C11orf65: variants seen among roughly 807,000 people sequenced by gnomAD.
C11orf65 encodes the protein chromosome 11 open reading frame 65, also known as protein MFI.
A neutral mutation model predicts 35.3 loss-of-function variants in C11orf65; 38 were observed. The ratio of observed to expected loss-of-function variants is 1.08; its 90% confidence interval spans 0.83 to 1.41. The LOEUF (loss-of-function observed/expected upper bound fraction) is 1.41, where lower values mean the gene tolerates loss of function less well. Ranked by LOEUF, C11orf65 falls within the 40% of genes most tolerant of loss-of-function variation. C11orf65 has a pLI of 0.00. For missense variants in C11orf65, 370 were observed against 367.1 expected (o/e 1.01, Z -0.06); for synonymous variants, 105 against 114.4 (o/e 0.92, Z 0.53).
chr11:108,370,452 A>T (rs910326381), intron 2 of C11orf65, among the ~76,000 whole-genome samples: 1 of 150,318 alleles, frequency 6.7e-6, no homozygotes, highest in Non-Finnish European at 1.5e-5. Flanking sequence ...TCATATTCCA[A>T]TCTATACTGT....
At position 108,345,819 on chromosome 11, in the gene C11orf65, G is replaced by A. The variant is rs529296539; in HGVS notation, c.227-10527C>T. On this transcript the variant is annotated intron_variant, in intron 2 of 3. Coordinates refer to the C11orf65 transcript ENST00000524755. ...TGCCAAAATTTTCAACCAGTTTTCC[G>A]TTACTTCTGCATGGAAAAATTCTTG... The A allele has an allele frequency of 8.6e-5, 139 of 1,613,710 alleles. 2 individuals carry two copies. The highest frequency in any genetic ancestry group is 7.0e-4 in the South Asian group (64 of 91,058).
rs371044809 is a variant in C11orf65, at chr11:108,320,075, A to C, written c.641-11004T>G. ...ATATGCCAGGTATTATGAAAAGACA[A>C]AGTTACTGTATTTTAACATTTAATG... On this transcript the variant is annotated intron_variant, in intron 6 of 6. Transcript: ENST00000525729. The C allele has an allele frequency of 2.0e-6, 3 of 1,518,922 alleles. No individual in the cohort carries two copies. The highest frequency in any genetic ancestry group is 3.4e-5 in the Admixed American group (2 of 59,626). The allele number at this position is 1,518,922 out of a possible 1,614,324, so 94.1% of individuals were successfully genotyped here. A position where few individuals can be genotyped will look rare whatever the true frequency, so the allele number is the denominator to read the frequency against.
At chr11:108,456,843 C>T (rs2093416226) in intron 2 of C11orf65, among the ~76,000 whole-genome samples, 1 of 151,832 alleles carries the variant, frequency 6.6e-6, no homozygotes, top group Admixed American at 6.6e-5. Flanking sequence ...ACAAATTGGA[C>T]TTTATTAAAA....
At chr11:108,347,212 A>T (rs2088527144) in intron 2 of C11orf65, 8 of 1,225,158 alleles carry the variant, frequency 6.5e-6, no homozygotes. Flanking sequence ...CTTAATTGAA[A>T]TTATGGCTAT....
chr11:108,377,328 A>G (rs532364812), intron 2 of C11orf65, among the ~76,000 whole-genome samples: 58 of 152,244 alleles, frequency 3.8e-4, no homozygotes, highest in Non-Finnish European at 6.3e-4. Flanking sequence ...GGTTCAATGT[A>G]CGCAAATCAA....
At chr11:108,366,240 A>G in intron 2 of C11orf65, 1 of 199,004 alleles carries the variant, frequency 5.0e-6, no homozygotes, top group Non-Finnish European at 1.0e-5. Context: ...TCTTTCTGTG[A>G]TAACTTCATA....
chr11:108,335,996 CAT>C lies in C11orf65; in HGVS notation c.227-706_227-705del, dbSNP rs45566832. ...TGTACTTCTGTTAGTTCACCAAAAA[CAT>C]ATAAAAGATGCCATTTGGTTGGGTG... On this transcript the variant is annotated intron_variant, in intron 2 of 3. Coordinates refer to the C11orf65 transcript ENST00000524755. The C allele has an allele frequency of 2.7e-6, 4 of 1,507,628 alleles. No individual in the cohort carries two copies. The highest frequency in any genetic ancestry group is 2.3e-5 in the South Asian group (2 of 88,800). 93.4% of individuals were successfully genotyped at this position (1,507,628 alleles called of 1,614,324 possible).
rs150440359 is a variant in C11orf65 at position 108,356,953 on chromosome 11, G to A, written c.227-21661C>T. 5.1e-3 allele frequency among the ~76,000 whole-genome samples: 771 copies of A among 152,308 alleles called. 9 individuals are homozygous for A. The highest frequency in any genetic ancestry group is 0.018 in the African/African-American group (734 of 41,580). On this transcript the variant is annotated intron_variant, in intron 2 of 3. Transcript: ENST00000524755. ...TCCGGGAGGAGGAGCCAAGATGGCC[G>A]AATAGGAACAGCTCCGGTATACAGC...
At chr11:108,363,027 C>T (rs1384255531) in intron 2 of C11orf65, among the ~76,000 whole-genome samples, 3 of 152,150 alleles carry the variant, frequency 2.0e-5, no homozygotes, top group Admixed American at 1.3e-4. Flanking sequence ...GTGTATTTTA[C>T]ACTCATCTAC....
intron 2 of C11orf65, among the ~76,000 whole-genome samples, chr11:108,377,249 G>C (rs1311636541): frequency 6.6e-6 from 1 of 152,028 alleles, no homozygotes; most frequent in African/African-American, 2.4e-5. Context: ...CTGGCAAACT[G>C]AATCCAGCAG....
Position 108,448,620 on chromosome 11 carries a change from T to A in C11orf65, c.81+12859A>T, listed in dbSNP as rs573313950. 2.0e-5 allele frequency among the ~76,000 whole-genome samples: 3 copies of A among 152,346 alleles called. No individual in the cohort carries two copies. The East Asian group carries it at 5.8e-4, about 29-fold the overall frequency. ...TAAAAACTCTCAATAATTTAGGTAT[T>A]GATGGGACGTATCTCAAAATAATAA... On this transcript the variant is annotated intron_variant, in intron 2 of 8. Transcript: ENST00000393084.
intron 2 of C11orf65, among the ~76,000 whole-genome samples, chr11:108,439,105 C>T (rs115346574): frequency 0.012 from 1,892 of 152,126 alleles, 48 homozygotes; most frequent in African/African-American, 0.042. Flanking sequence ...AGCAGATCTT[C>T]GAAACATAAA....
At chr11:108,429,320 T>C (rs977493936) in intron 3 of C11orf65, among the ~76,000 whole-genome samples, 43 of 152,172 alleles carry the variant, frequency 2.8e-4, no homozygotes, top group African/African-American at 1.0e-3. Flanking sequence ...TGAAATAAGA[T>C]TGGTTATGAA....
intron 2 of C11orf65, among the ~76,000 whole-genome samples, chr11:108,357,283 T>C (rs227052): frequency 0.53 from 79,227 of 149,690 alleles, 21,048 homozygotes; most frequent in Middle Eastern, 0.74. Flanking sequence ...GCAGCTGGCT[T>C]GGAGGGTCCT....
intron 2 of C11orf65, among the ~76,000 whole-genome samples, chr11:108,441,754 G>T (rs542333546): frequency 1.3e-5 from 2 of 152,354 alleles, no homozygotes; most frequent in South Asian, 4.1e-4. Context: ...ACCTGCAGCT[G>T]CGGGTCCTAT....
chr11:108,393,770 T>C (rs1208828487), intron 6 of C11orf65, among the ~76,000 whole-genome samples: 7 of 151,958 alleles, frequency 4.6e-5, no homozygotes, highest in Non-Finnish European at 5.9e-5. Context: ...AAGAGGCTAA[T>C]AGCAGATAAA....
chr11:108,359,827 G>A (rs2137602230), intron 2 of C11orf65, among the ~76,000 whole-genome samples: 1 of 152,070 alleles, frequency 6.6e-6, no homozygotes, highest in South Asian at 2.1e-4. Flanking sequence ...AGCACTAAAT[G>A]CCCACAAGAG....
chr11:108,331,842 G>A, intron 3 of C11orf65: 3 of 1,597,608 alleles, frequency 1.9e-6, no homozygotes, highest in Non-Finnish European at 2.6e-6. Flanking sequence ...ATATTTTTTT[G>A]TTTATTTGCA....
intron 6 of C11orf65, among the ~76,000 whole-genome samples, chr11:108,399,978 TAC>T (rs2092408491): frequency 6.6e-6 from 1 of 152,216 alleles, no homozygotes; most frequent in African/African-American, 2.4e-5. Flanking sequence ...TTAGAGACTC[TAC>T]AGTTTTTCAC....
Sources: gnomAD v4.1 joint callset for allele counts (sites outside exome capture counted in the v4.1 genomes callset) on GRCh38, gnomAD v4.1.1 for gene constraint, MANE v1.5 for transcripts, NCBI Gene and HGNC (gene_info 2026-07-23, HGNC 2026-07-21) for gene names.